Variants in EPG5 observed in about 807,000 individuals in gnomAD.
The protein encoded by EPG5 is ectopic P granules protein 5 homolog.
Under a neutral mutation model 302.7 loss-of-function variants are expected in EPG5, and 159 were observed. The ratio of observed to expected loss-of-function variants is 0.53; its 90% confidence interval spans 0.46 to 0.60. The LOEUF (loss-of-function observed/expected upper bound fraction) is 0.60. Ranked by LOEUF, EPG5 falls within the 20% of genes least tolerant of loss-of-function variation. EPG5 has a pLI of 0.00. For missense variants in EPG5, 2,896 were observed against 3,092.4 expected (o/e 0.94, Z 1.51); for synonymous variants, 1,158 against 1,136.8 (o/e 1.02, Z -0.37).
intron 3 of EPG5, 58 bp from the exon 4 acceptor site, chr18:45,951,296 T>C: frequency 7.8e-7 from 1 of 1,282,864 alleles, no homozygotes; most frequent in South Asian, 2.5e-5. Context: ...GGGGAATTTT[T>C]AGTGTCTTCA....
chr18:45,955,033 G>A lies in EPG5; in HGVS notation c.369C>T (p.His123=), dbSNP rs756190726. 34 of 1,614,036 alleles carry A rather than the reference G, an allele frequency of 2.1e-5. No individual in the cohort carries two copies. Among genetic ancestry groups the A allele is most frequent in the Non-Finnish European group, 2.7e-5 (32 of 1,180,042 alleles). ...CTTTAGTTCCAACATTGTCTCCAGG[G>A]TGGACCTTTGGAGTGACTGCACTGT... is the stretch of plus-strand genomic sequence containing the variant. The part of the protein sequence containing the change: ...VGDSAVTPKV[H]PGDNVGTKVE... Residue 123 remains histidine (H), a synonymous_variant, in exon 2 of 44, where the codon CAC becomes CAT. Transcript: ENST00000282041.
chr18:45,818,842 T>C, the EPG5 span, among the ~76,000 whole-genome samples: 12 of 151,632 alleles, frequency 7.9e-5, no homozygotes, highest in Middle Eastern at 3.4e-3. Context: ...CAAGCGATTC[T>C]TGTGCCTCTG....
Position 45,899,569 on chromosome 18 carries a change from G to A in EPG5, c.4647-3C>T, listed in dbSNP as rs1490592369. 1 of 1,613,742 alleles carries A rather than the reference G, an allele frequency of 6.2e-7. No individual in the cohort carries two copies. The highest frequency in any genetic ancestry group is 1.1e-5 in the South Asian group (1 of 91,068). On this transcript the variant is annotated splice_polypyrimidine_tract_variant and splice_region_variant and intron_variant, in intron 26 of 43. Transcript: ENST00000282041. The stretch of plus-strand genomic sequence containing the variant: ...GAGATTCCCGAAGAGCTGCGGTTCT[G>A]AAAAACATCATCAGGAGGTAAAAGA...
chr18:45,918,087 G>C lies in EPG5; in HGVS notation c.3099-268C>G, dbSNP rs540194840. ...ATTTCCTAGAGTAAGGTCAAAATGA[G>C]AACGCCAGTTTGCAAATTTCTAATC... On this transcript the variant is annotated intron_variant, in intron 16 of 43. Transcript: ENST00000282041. 1.3e-4 allele frequency among the ~76,000 whole-genome samples: 20 copies of C among 152,272 alleles called. No individual in the cohort carries two copies. In the South Asian group the frequency reaches 4.1e-3, roughly 32 times the overall value.
At chr18:45,828,263 G>A in the EPG5 span, among the ~76,000 whole-genome samples, 1 of 152,166 alleles carries the variant, frequency 6.6e-6, no homozygotes, top group Non-Finnish European at 1.5e-5. Context: ...AGAAAAGTGG[G>A]AAGCATTTGT....
chr18:45,821,563 A>G, the EPG5 span, among the ~76,000 whole-genome samples: 3 of 152,242 alleles, frequency 2.0e-5, no homozygotes, highest in Non-Finnish European at 4.4e-5. Flanking sequence ...TTTGATGAGT[A>G]AGACCTCAAA....
intron 39 of EPG5, among the ~76,000 whole-genome samples, chr18:45,864,189 T>G (rs1262958664): frequency 1.3e-5 from 2 of 152,142 alleles, no homozygotes; most frequent in Admixed American, 1.3e-4. Flanking sequence ...CATTGCACAC[T>G]GTGGCCTCGA....
the EPG5 span, among the ~76,000 whole-genome samples, chr18:45,820,600 C>A: frequency 1.4e-5 from 2 of 144,296 alleles, no homozygotes; most frequent in African/African-American, 5.1e-5. Flanking sequence ...TACATGACCA[C>A]CTGCTGCTGC....
chr18:45,940,242 G>A (rs2050632741), intron 9 of EPG5, among the ~76,000 whole-genome samples: 1 of 152,196 alleles, frequency 6.6e-6, no homozygotes, highest in Non-Finnish European at 1.5e-5. Context: ...CAGCAAGGAG[G>A]CCAATGTGCT....
intron 35 of EPG5, among the ~76,000 whole-genome samples, chr18:45,874,865 A>G (rs192615610): frequency 6.6e-6 from 1 of 152,360 alleles, no homozygotes; most frequent in East Asian, 1.9e-4. Flanking sequence ...AGAGGAAGCC[A>G]GAGTGTTAAA....
At chr18:45,817,426 T>G in the EPG5 span, among the ~76,000 whole-genome samples, 5 of 152,334 alleles carry the variant, frequency 3.3e-5, no homozygotes, top group East Asian at 9.6e-4. Context: ...ACACCAAAAC[T>G]TAATGGCTTA....
Position 45,852,389 on chromosome 18 carries a change from G to C in EPG5, c.*78C>G. On this transcript the variant is annotated 3_prime_UTR_variant, in exon 44 of 44. Coordinates refer to ENST00000282041, the MANE Select transcript of EPG5 (RefSeq NM_020964.3). ...CCAAACTGAGCTCTACAGTGCAATTGAGCAAAGTTACTTGTGCAACAGCAA... is the reference window on the plus strand; with the variant it reads ...CCAAACTGAGCTCTACAGTGCAATTCAGCAAAGTTACTTGTGCAACAGCAA... 1 of 1,407,714 alleles carries C rather than the reference G, an allele frequency of 7.1e-7. No homozygotes were observed. The highest frequency in any genetic ancestry group is 1.4e-5 in the South Asian group (1 of 73,308). The allele number at this position is 1,407,714 out of a possible 1,614,324, so 87.2% of individuals were successfully genotyped here. A position where few individuals can be genotyped will look rare whatever the true frequency, so the allele number is the denominator to read the frequency against.
the EPG5 span, among the ~76,000 whole-genome samples, chr18:45,822,555 C>T: frequency 4.6e-5 from 7 of 152,114 alleles, no homozygotes; most frequent in East Asian, 1.4e-3. Flanking sequence ...ATTGAATTTT[C>T]CCAAAACAAA....
At chr18:45,889,064 T>C (rs1464462737) in intron 28 of EPG5, among the ~76,000 whole-genome samples, 2 of 152,224 alleles carry the variant, frequency 1.3e-5, no homozygotes, top group Admixed American at 6.5e-5. Flanking sequence ...CTTGTTTGCC[T>C]GGTCTCCTCC....
chr18:45,853,308 G>A (rs949048101), intron 43 of EPG5, among the ~76,000 whole-genome samples: 1 of 152,174 alleles, frequency 6.6e-6, no homozygotes, highest in African/African-American at 2.4e-5. Flanking sequence ...ACAAAATCAT[G>A]GCAGAAACTG....
chr18:45,888,286 CTTTTA>C (rs1287014378), intron 28 of EPG5, among the ~76,000 whole-genome samples: 2 of 150,574 alleles, frequency 1.3e-5, no homozygotes, highest in African/African-American at 4.9e-5. Context: ...TTGTATTTTT[CTTTTA>C]TTTATTTTAT....
At chr18:45,816,764 G>C in the EPG5 span, among the ~76,000 whole-genome samples, 1 of 152,164 alleles carries the variant, frequency 6.6e-6, no homozygotes, top group Non-Finnish European at 1.5e-5. Flanking sequence ...TCCCACTACT[G>C]GGTGTCTACT....
At chr18:45,832,249 G>A in the EPG5 span, among the ~76,000 whole-genome samples, 1 of 152,200 alleles carries the variant, frequency 6.6e-6, no homozygotes, top group Non-Finnish European at 1.5e-5. Flanking sequence ...AGGACCCTGA[G>A]ACCCGGGATA....
intron 1 of EPG5, among the ~76,000 whole-genome samples, chr18:45,961,442 C>A (rs565758483): frequency 3.6e-4 from 55 of 152,330 alleles, no homozygotes; most frequent in Non-Finnish European, 6.0e-4. Flanking sequence ...AAGGACAGGT[C>A]TGGCATGCCA....
Sources: gnomAD v4.1 joint callset for allele counts (sites outside exome capture counted in the v4.1 genomes callset) on GRCh38, gnomAD v4.1.1 for gene constraint, MANE v1.5 for transcripts, NCBI Gene and HGNC (gene_info 2026-07-23, HGNC 2026-07-21) for gene names.